CHST9: variants seen among roughly 807,000 people sequenced by gnomAD.
CHST9 encodes carbohydrate sulfotransferase 9.
In CHST9, 41 loss-of-function variants were observed where a neutral mutation model predicts 44.4. The ratio of observed to expected loss-of-function variants is 0.92; its 90% confidence interval spans 0.72 to 1.20. The LOEUF is 1.20. Ranked by LOEUF, CHST9 falls within the 50% of genes most tolerant of loss-of-function variation. The pLI is 0.00. For synonymous variants in CHST9, 171 were observed against 178.4 expected (o/e 0.96, Z 0.33); for missense variants, 504 against 516.5 (o/e 0.98, Z 0.23).
chr18:26,975,703 G>GGAGTCATTCT (rs1598609105), intron 4 of CHST9, among the ~76,000 whole-genome samples: 18 of 106,892 alleles, frequency 1.7e-4, no homozygotes, highest in East Asian at 1.4e-3. Context: ...ATATATATGT[G>GGAGTCATTCT]TATATATGTG....
intron 4 of CHST9, among the ~76,000 whole-genome samples, chr18:26,969,360 TTCTCTCTC>T (rs139727723): frequency 1.6e-5 from 2 of 128,696 alleles, no homozygotes; most frequent in African/African-American, 5.4e-5. Flanking sequence ...CCTTTTTTGA[TTCTCTCTC>T]TCTCTCTCTG....
intron 4 of CHST9, among the ~76,000 whole-genome samples, chr18:26,975,368 C>T (rs1436074424): frequency 1.3e-5 from 2 of 151,948 alleles, no homozygotes; most frequent in South Asian, 4.2e-4. Flanking sequence ...TTAGGGTATA[C>T]ATCACCCAAA....
At chr18:27,122,362 T>G (rs954468258) in intron 2 of CHST9, among the ~76,000 whole-genome samples, 1 of 152,224 alleles carries the variant, frequency 6.6e-6, no homozygotes, top group South Asian at 2.1e-4. Flanking sequence ...AGCTTTATAA[T>G]ATTGCATTCT....
intron 1 of CHST9, among the ~76,000 whole-genome samples, chr18:27,183,122 G>A (rs2058926746): frequency 6.6e-6 from 1 of 150,800 alleles, no homozygotes; most frequent in Non-Finnish European, 1.5e-5. Context: ...AAAGGTGGGG[G>A]GTGGGGGGAA....
intron 1 of CHST9, among the ~76,000 whole-genome samples, chr18:27,164,252 T>C (rs1009338700): frequency 7.1e-6 from 1 of 141,800 alleles, no homozygotes; most frequent in Non-Finnish European, 1.5e-5. Context: ...CTCAGAAAGA[T>C]AAGAGAAAAT....
chr18:27,128,202 T>C (rs2058441454), intron 2 of CHST9, among the ~76,000 whole-genome samples: 1 of 152,182 alleles, frequency 6.6e-6, no homozygotes, highest in African/African-American at 2.4e-5. Context: ...TTGTGATACA[T>C]TGGTTATGAG....
At chr18:27,034,408 T>C (rs890177127) in intron 3 of CHST9, among the ~76,000 whole-genome samples, 1 of 152,224 alleles carries the variant, frequency 6.6e-6, no homozygotes, top group Non-Finnish European at 1.5e-5. Flanking sequence ...CTTTCTTAAA[T>C]GGGCTCCCTA....
intron 1 of CHST9, chr18:27,147,630 A>C (rs2058623849): frequency 6.6e-6 from 1 of 152,240 alleles, no homozygotes; most frequent in South Asian, 2.1e-4. Flanking sequence ...TCATTGGTCC[A>C]CACCCACACA....
At chr18:26,941,739 A>G (rs2056085492) in intron 5 of CHST9, among the ~76,000 whole-genome samples, 2 of 152,234 alleles carry the variant, frequency 1.3e-5, no homozygotes, top group Admixed American at 1.3e-4. Context: ...CTGCGTTAAC[A>G]AGTTACTTTT....
At chr18:27,074,329 C>T (rs959523391) in intron 2 of CHST9, among the ~76,000 whole-genome samples, 1 of 152,018 alleles carries the variant, frequency 6.6e-6, no homozygotes, top group Admixed American at 6.6e-5. Context: ...ACATGAATAC[C>T]ATCTATGGAG....
rs2055387347 is a variant in CHST9, at chr18:26,907,672, G to A, written c.*8587C>T. ...GTCGTGTAATAGTGTGAGCAAAATA[G>A]GGGAAAAAGCAAGAGGTGTTTTCAG... On this transcript the variant is annotated 3_prime_UTR_variant, in exon 6 of 6. Coordinates refer to ENST00000618847, the MANE Select transcript of CHST9 (RefSeq NM_031422.6). 1 of 152,812 alleles carries A rather than the reference G, an allele frequency of 6.5e-6. No individual in the cohort carries two copies. The highest frequency in any genetic ancestry group is 6.5e-5 in the Admixed American group (1 of 15,302). 9.5% of individuals were successfully genotyped at this position (152,812 alleles called of 1,614,324 possible).
intron 2 of CHST9, among the ~76,000 whole-genome samples, chr18:27,062,393 T>C (rs998221985): frequency 2.6e-5 from 4 of 151,850 alleles, no homozygotes; most frequent in Non-Finnish European, 5.9e-5. Context: ...TTCCCACCTA[T>C]GAGTGAGAAC....
intron 2 of CHST9, among the ~76,000 whole-genome samples, chr18:27,131,237 C>A (rs1452965877): frequency 6.6e-6 from 1 of 152,104 alleles, no homozygotes; most frequent in Non-Finnish European, 1.5e-5. Flanking sequence ...GGCCCAGGGA[C>A]CCCAGAGAAA....
In CHST9 at chr18:27,160,374, G is replaced by A. The variant is rs577065393; in HGVS notation, c.-96-17469C>T. ...CTGCATCTGTTGAGATAATTATATG[G>A]TTTTTGTTGTTGGTTCTGTTTATAT... On this transcript the variant is annotated intron_variant, in intron 1 of 5. Coordinates refer to ENST00000618847, the MANE Select transcript of CHST9 (RefSeq NM_031422.6). Among the ~76,000 whole-genome samples the A allele has an allele frequency of 2.6e-5, 4 of 152,202 alleles. No individual in the cohort carries two copies. The South Asian group carries it at 6.2e-4, about 24-fold the overall frequency.
At chr18:27,029,104 G>A (rs2057313647) in intron 3 of CHST9, among the ~76,000 whole-genome samples, 1 of 152,070 alleles carries the variant, frequency 6.6e-6, no homozygotes, top group Non-Finnish European at 1.5e-5. Context: ...GGTTGGGTGT[G>A]CTGCTGCAGA....
At chr18:26,953,194 T>G (rs2056274838) in intron 4 of CHST9, among the ~76,000 whole-genome samples, 1 of 152,154 alleles carries the variant, frequency 6.6e-6, no homozygotes, top group African/African-American at 2.4e-5. Flanking sequence ...TTTAAGAACT[T>G]AAAAATAAGT....
intron 1 of CHST9, among the ~76,000 whole-genome samples, chr18:27,176,941 T>C (rs1203552116): frequency 1.3e-5 from 2 of 152,050 alleles, no homozygotes; most frequent in Admixed American, 6.6e-5. Context: ...AGGTTGAAGT[T>C]ACAAAAGTGA....
intron 1 of CHST9, among the ~76,000 whole-genome samples, 169 bp downstream of exon 1, chr18:27,184,967 T>A (rs1020061930): frequency 6.6e-6 from 1 of 151,440 alleles, no homozygotes; most frequent in Non-Finnish European, 1.5e-5. Flanking sequence ...GTAGGGGAGA[T>A]AGAAAAAGGA....
At chr18:26,963,929 T>A (rs1263298898) in intron 4 of CHST9, among the ~76,000 whole-genome samples, 1 of 152,216 alleles carries the variant, frequency 6.6e-6, no homozygotes, top group Admixed American at 6.5e-5. Flanking sequence ...TACTGTTATA[T>A]GCATTATCTC....
Sources: allele counts gnomAD v4.1 joint callset (sites outside exome capture counted in the v4.1 genomes callset), GRCh38; gene constraint gnomAD v4.1.1; transcripts MANE v1.5; gene names NCBI Gene and HGNC (gene_info 2026-07-23, HGNC 2026-07-21).